Variants in SORBS3 observed in about 807,000 individuals in gnomAD.
SORBS3 encodes the protein vinexin.
A neutral mutation model predicts 98.0 loss-of-function variants in SORBS3; 69 were observed. That is an observed-to-expected ratio of 0.70 (90% CI 0.58 to 0.86). The LOEUF (loss-of-function observed/expected upper bound fraction) is 0.86, where lower values mean the gene tolerates loss of function less well. SORBS3 is among the 40% of genes least tolerant of loss of function. The probability of loss-of-function intolerance (pLI) is 0.00; values close to 1 mark genes in which losing one functional copy is unlikely to be tolerated. For missense variants in SORBS3, 954 were observed against 908.5 expected (o/e 1.05, Z -0.64); for synonymous variants, 394 against 355.4 (o/e 1.11, Z -1.22).
rs751918846 is a variant in SORBS3, at chr8:22,554,647, C to G, written c.102+39C>G. 1.8e-5 allele frequency: 28 copies of G among 1,578,046 alleles called. No homozygotes were observed. The Middle Eastern group carries it at 8.4e-4, about 47-fold the overall frequency. On this transcript the variant is annotated intron_variant, in intron 2 of 20. Transcript: ENST00000240123. This position sits in a 1 kb window ranked among gnomAD's most constrained non-coding sequence, Gnocchi z 6.5. Reference sequence around the variant, plus strand: ...TAGGGAGGAGGGTGTCCTGCGGGCCCGGAGTTGGTTGGGACGCTAGCAGGT... The same window carrying G: ...TAGGGAGGAGGGTGTCCTGCGGGCCGGGAGTTGGTTGGGACGCTAGCAGGT...
rs1840707793 is a variant in SORBS3 at position 22,575,326 on chromosome 8, T to TCCTGGC, written c.*611_*616dup. 4.3e-6 allele frequency: 1 copy of TCCTGGC among 233,574 alleles called. No homozygotes were observed. The highest frequency in any genetic ancestry group is 8.6e-6 in the Non-Finnish European group (1 of 116,552). 14.5% of individuals were successfully genotyped at this position (233,574 alleles called of 1,614,324 possible). ...CCTCCTCTTCCCAGGGGCTGCCAAG[T>TCCTGGC]CCTGGCCCTGGCCCTGGCATATCAC... is the stretch of plus-strand genomic sequence containing the variant. On this transcript the variant is annotated 3_prime_UTR_variant, in exon 21 of 21. Transcript: ENST00000240123.
rs373393630 is a variant in SORBS3, at chr8:22,555,946, C to G, written c.221-769C>G. Among the ~76,000 whole-genome samples the G allele has an allele frequency of 6.7e-4, 102 of 152,348 alleles. 2 individuals carry two copies. The highest frequency in any genetic ancestry group is 2.4e-3 in the African/African-American group (98 of 41,580). On this transcript the variant is annotated intron_variant, in intron 3 of 20. Coordinates refer to ENST00000240123, the MANE Select transcript of SORBS3 (RefSeq NM_005775.5). ...GACACTGTAAAAACACTTTACGAGG[C>G]TCACCTCGTTTAACCCCTCGATATC...
upstream of SORBS3, chr8:22,551,823 G>A (rs1426622258): frequency 2.0e-6 from 2 of 985,680 alleles, no homozygotes; most frequent in Non-Finnish European, 2.4e-6. This position sits in a 1 kb window ranked among gnomAD's most constrained non-coding sequence, Gnocchi z 5.8. Flanking sequence ...CCGGCCTCCG[G>A]CGCGCGCCCC....
chr8:22,560,285 A>G (rs1273981412), intron 5 of SORBS3, among the ~76,000 whole-genome samples: 1 of 152,084 alleles, frequency 6.6e-6, no homozygotes, highest in Non-Finnish European at 1.5e-5. Flanking sequence ...ATTCAAGTCC[A>G]GCTTGGGCAA....
chr8:22,561,798 C>T, intron 6 of SORBS3, 67 bp from the exon 7 acceptor site: 2 of 1,394,200 alleles, frequency 1.4e-6, no homozygotes, highest in Non-Finnish European at 2.0e-6. Flanking sequence ...CACCCAGGCA[C>T]CCTCAGCCCC....
At position 22,554,490 on chromosome 8, in the gene SORBS3, C is replaced by G. The variant is rs766250044; in HGVS notation, c.-17C>G. The G allele has an allele frequency of 1.9e-6, 3 of 1,606,770 alleles. No individual in the cohort carries two copies. The highest frequency in any genetic ancestry group is 2.7e-5 in the African/African-American group (2 of 74,846). ...GAGCAGCTGGCTTGCCCGGAGTCCT[C>G]CCACCTTGACCCAAGCATGCAGGGC... On this transcript the variant is annotated 5_prime_UTR_variant, in exon 2 of 21. Transcript: ENST00000240123. This position sits in a 1 kb window ranked among gnomAD's most constrained non-coding sequence, Gnocchi z 6.5.
chr8:22,559,428 C>A (rs1400372052), intron 5 of SORBS3, among the ~76,000 whole-genome samples: 2 of 152,154 alleles, frequency 1.3e-5, no homozygotes, highest in African/African-American at 4.8e-5. Flanking sequence ...AGGCCGGGCG[C>A]GGTGGCTCAC....
At position 22,566,667 on chromosome 8, in the gene SORBS3, G is replaced by A. The variant is rs745398675; in HGVS notation, c.1097G>A (p.Ser366Asn). ...FVYPSSTRDPSASNGGGSPAR... is the reference protein window; with the variant it reads ...FVYPSSTRDPNASNGGGSPAR... ...AGGTTGTGCTTCTCCACAGACCCTA[G>A]TGCCTCTAACGGAGGGGGCAGCCCA... Residue 366 changes from serine to asparagine, a missense_variant, in exon 14 of 21, where the codon AGT becomes AAT. Transcript: ENST00000240123. 104 of 1,607,820 alleles carry A rather than the reference G, an allele frequency of 6.5e-5. No homozygotes were observed. Among genetic ancestry groups the A allele is most frequent in the Non-Finnish European group, 7.9e-5 (93 of 1,178,184 alleles).
chr8:22,546,854 G>C (rs1166911446), intron 1 of SORBS3, among the ~76,000 whole-genome samples: 2 of 152,128 alleles, frequency 1.3e-5, no homozygotes, highest in African/African-American at 4.8e-5. Flanking sequence ...GGATTCACAA[G>C]GAAAAACAAG....
chr8:22,545,694 C>T (rs992898321), intron 1 of SORBS3, among the ~76,000 whole-genome samples: 1 of 152,250 alleles, frequency 6.6e-6, no homozygotes, highest in East Asian at 1.9e-4. Context: ...CTCTGAGCAG[C>T]TCTGAAGTAG....
chr8:22,571,707 T>A lies in SORBS3; in HGVS notation c.1744-11T>A. ...TCCCTCTGACATCCCTTTCTTCCTG[T>A]CAACTCCCAGAATCTTGGCACCCCT... On this transcript the variant is annotated splice_polypyrimidine_tract_variant and intron_variant, in intron 18 of 20. Coordinates refer to ENST00000240123, the MANE Select transcript of SORBS3 (RefSeq NM_005775.5). 1 of 1,604,956 alleles carries A rather than the reference T, an allele frequency of 6.2e-7. No homozygotes were observed. Among genetic ancestry groups the A allele is most frequent in the Non-Finnish European group, 8.5e-7 (1 of 1,171,798 alleles).
At chr8:22,560,876 C>T (rs1213203610) in intron 5 of SORBS3, 7 of 148,188 alleles carry the variant, frequency 4.7e-5, no homozygotes, top group South Asian at 2.1e-4. Context: ...TGTGTGTGCG[C>T]GCGCGCACGC....
intron 1 of SORBS3, among the ~76,000 whole-genome samples, chr8:22,552,639 C>A (rs1202204421): frequency 6.6e-6 from 1 of 152,174 alleles, no homozygotes. Flanking sequence ...GAGAGCAGTT[C>A]TCACCGAGCA....
In SORBS3 at chr8:22,554,245, T is replaced by G; in HGVS notation, c.-55-207T>G. The G allele has an allele frequency of 3.0e-6, 1 of 331,954 alleles. No homozygotes were observed. The highest frequency in any genetic ancestry group is 5.5e-6 in the Non-Finnish European group (1 of 180,988). The allele number at this position is 331,954 out of a possible 1,614,324, so 20.6% of individuals were successfully genotyped here. A position where few individuals can be genotyped will look rare whatever the true frequency, so the allele number is the denominator to read the frequency against. On this transcript the variant is annotated intron_variant, in intron 1 of 20. Coordinates refer to ENST00000240123, the MANE Select transcript of SORBS3 (RefSeq NM_005775.5). This position sits in a 1 kb window ranked among gnomAD's most constrained non-coding sequence, Gnocchi z 6.5. ...CTCCTGCCCTGGGCCTAACAAGTGG[T>G]CCATTGTGCCCCTGGGAGCCGGCAG... is the stretch of plus-strand genomic sequence containing the variant.
At chr8:22,573,832 T>C (rs1281307910) in intron 20 of SORBS3, among the ~76,000 whole-genome samples, 1 of 152,218 alleles carries the variant, frequency 6.6e-6, no homozygotes, top group African/African-American at 2.4e-5. Flanking sequence ...ATTTATTACA[T>C]TTCTGTATTT....
At chr8:22,560,832 C>CATGT (rs1270836337) in intron 5 of SORBS3, 12 of 135,064 alleles carry the variant, frequency 8.9e-5, no homozygotes, top group African/African-American at 3.2e-4. Context: ...GCAGCGCATG[C>CATGT]GTGTGTGTGT....
chr8:22,555,253 G>A (rs1348426547), intron 3 of SORBS3, among the ~76,000 whole-genome samples: 2 of 152,190 alleles, frequency 1.3e-5, no homozygotes, highest in Non-Finnish European at 2.9e-5. Context: ...GGAGCCCTGG[G>A]CGCCGGAGGA....
intron 5 of SORBS3, among the ~76,000 whole-genome samples, chr8:22,559,703 TAA>T (rs796881637): frequency 7.6e-6 from 1 of 131,288 alleles, no homozygotes. Context: ...ACGCTGTCTC[TAA>T]AAAAAAAAAG....
Position 22,565,371 on chromosome 8 carries a change from T to C in SORBS3, c.903+17T>C. ...TCCCCCAAGGTACCAGCCCCCAGGG[T>C]TCACCCGCGGGGCACGCCGGCGACC... On this transcript the variant is annotated intron_variant, in intron 11 of 20. Transcript: ENST00000240123. The C allele has an allele frequency of 6.5e-7, 1 of 1,532,884 alleles. No homozygotes were observed. Among genetic ancestry groups the C allele is most frequent in the Non-Finnish European group, 8.8e-7 (1 of 1,137,764 alleles). 95.0% of individuals were successfully genotyped at this position (1,532,884 alleles called of 1,614,324 possible).
Sources: gnomAD v4.1 joint callset for allele counts (sites outside exome capture counted in the v4.1 genomes callset) on GRCh38, gnomAD v4.1.1 for gene constraint, Gnocchi (gnomAD v3.1) non-coding constraint, MANE v1.5 for transcripts, NCBI Gene and HGNC (gene_info 2026-07-23, HGNC 2026-07-21) for gene names.